GPAT4: variants seen among roughly 807,000 people sequenced by gnomAD.
GPAT4 encodes the protein glycerol-3-phosphate acyltransferase 4.
Under a neutral mutation model 58.0 loss-of-function variants are expected in GPAT4, and 17 were observed. The ratio of observed to expected loss-of-function variants is 0.29; its 90% CI spans 0.20 to 0.44. The LOEUF is 0.44. Among genes scored for constraint, GPAT4 ranks in the 20% least tolerant of loss-of-function variants. GPAT4 has a pLI of 1.00. For missense variants in GPAT4, 377 were observed against 574.5 expected, an observed-to-expected ratio of 0.66 and a Z score of 3.51; for synonymous variants, 204 against 210.1, an observed-to-expected ratio of 0.97 and a Z score of 0.25.
chr8:41,616,381 G>C (rs1281690333), intron 10 of GPAT4, among the ~76,000 whole-genome samples: 1 of 152,132 alleles, frequency 6.6e-6, no homozygotes. Flanking sequence ...ATGCAACCTT[G>C]ACCTCCCACA....
In GPAT4 at chr8:41,612,829, CTG is replaced by C; in HGVS notation, c.796-13_796-12del. 6.2e-7 allele frequency: 1 copy of C among 1,611,066 alleles called. No individual in the cohort carries two copies. Among genetic ancestry groups the C allele is most frequent in the Admixed American group, 1.7e-5 (1 of 59,852 alleles). ...AAGATGGCTTCACTACTAATGAGTC[CTG>C]TGCCTGCGCTTAGGTGGGTCAAGTG... On this transcript the variant is annotated splice_polypyrimidine_tract_variant and intron_variant, in intron 7 of 12. Transcript: ENST00000396987.
At chr8:41,588,487 C>G (rs1388639451) in intron 1 of GPAT4, among the ~76,000 whole-genome samples, 1 of 151,952 alleles carries the variant, frequency 6.6e-6, no homozygotes, top group Non-Finnish European at 1.5e-5. Flanking sequence ...TTCCTTTTCC[C>G]TTTCCTTTTC....
chr8:41,599,049 T>C lies in GPAT4; in HGVS notation c.-91T>C. ...TGCTGTTCTTCGGGAACTTGCTTCC[T>C]TTCCCTGGCTGGTGCTGTCAGGAAG... is the stretch of plus-strand genomic sequence containing the variant. On this transcript the variant is annotated 5_prime_UTR_variant, in exon 2 of 13. Coordinates refer to ENST00000396987, the MANE Select transcript of GPAT4 (RefSeq NM_178819.4). 6.7e-7 allele frequency: 1 copy of C among 1,501,248 alleles called. No individual in the cohort carries two copies. Among genetic ancestry groups the C allele is most frequent in the East Asian group, 2.3e-5 (1 of 43,610 alleles). The allele number at this position is 1,501,248 out of a possible 1,614,324, so 93.0% of individuals were successfully genotyped here. A position where few individuals can be genotyped will look rare whatever the true frequency, so the allele number is the denominator to read the frequency against.
At chr8:41,594,095 A>C (rs899361669) in intron 1 of GPAT4, among the ~76,000 whole-genome samples, 1 of 152,220 alleles carries the variant, frequency 6.6e-6, no homozygotes, top group African/African-American at 2.4e-5. Flanking sequence ...CCATAAGGTA[A>C]GATATTTATA....
chr8:41,580,160 T>C (rs1802474234), intron 1 of GPAT4, among the ~76,000 whole-genome samples: 1 of 152,248 alleles, frequency 6.6e-6, no homozygotes, highest in African/African-American at 2.4e-5. Flanking sequence ...TTAAATTATT[T>C]CTTAAAAATC....
chr8:41,599,959 A>T (rs886870378), intron 2 of GPAT4, among the ~76,000 whole-genome samples: 3 of 150,994 alleles, frequency 2.0e-5, no homozygotes, highest in African/African-American at 4.9e-5. Context: ...ATCTTTAGGG[A>T]TTCATGTATA....
intron 2 of GPAT4, among the ~76,000 whole-genome samples, chr8:41,603,896 A>AGAATGAATGAATGAATGAATGAATGAAT (rs56179166): frequency 6.6e-6 from 1 of 150,718 alleles, no homozygotes; most frequent in Non-Finnish European, 1.5e-5. Context: ...TCAGCTGCAC[A>AGAATGAATGAATGAATGAATGAATGAAT]GAATGAATGA....
intron 1 of GPAT4, among the ~76,000 whole-genome samples, chr8:41,588,898 T>TG (rs1271989442): frequency 6.6e-6 from 1 of 152,184 alleles, no homozygotes; most frequent in African/African-American, 2.4e-5. Context: ...GTTTGGCCTG[T>TG]GGGGGAACGT....
At chr8:41,586,869 C>T (rs1025339386) in intron 1 of GPAT4, among the ~76,000 whole-genome samples, 9 of 152,324 alleles carry the variant, frequency 5.9e-5, no homozygotes, top group Admixed American at 5.2e-4. Flanking sequence ...CAACTGGCTC[C>T]ACATCAGAAT....
chr8:41,579,530 A>C (rs960873481), intron 1 of GPAT4, among the ~76,000 whole-genome samples: 2 of 152,208 alleles, frequency 1.3e-5, no homozygotes, highest in Non-Finnish European at 2.9e-5. Flanking sequence ...TCTTAACATG[A>C]TAGAACAGGT....
At chr8:41,614,110 T>C (rs1438067306) in intron 8 of GPAT4, among the ~76,000 whole-genome samples, 2 of 152,170 alleles carry the variant, frequency 1.3e-5, no homozygotes, top group Non-Finnish European at 2.9e-5. Context: ...GGCAGGTGTC[T>C]CTTTCAGGTG....
chr8:41,585,614 A>G (rs1024433420), intron 1 of GPAT4, among the ~76,000 whole-genome samples: 2 of 152,222 alleles, frequency 1.3e-5, no homozygotes, highest in Non-Finnish European at 2.9e-5. Context: ...TTCAGTCTTG[A>G]CAACAATACC....
chr8:41,599,462 A>C (rs111370923), intron 2 of GPAT4, among the ~76,000 whole-genome samples, 158 bp downstream of exon 2: 1 of 152,336 alleles, frequency 6.6e-6, no homozygotes, highest in African/African-American at 2.4e-5. Context: ...CTAAACGTCT[A>C]CTTTTGAAAG....
chr8:41,611,719 C>T (rs1416332601), intron 5 of GPAT4, among the ~76,000 whole-genome samples, 184 bp from the exon 6 acceptor site: 2 of 152,172 alleles, frequency 1.3e-5, no homozygotes, highest in Admixed American at 6.5e-5. Flanking sequence ...GTCTCCCTGT[C>T]CCCTCTTTCT....
intron 1 of GPAT4, among the ~76,000 whole-genome samples, chr8:41,589,035 T>G (rs2150484088): frequency 6.6e-6 from 1 of 152,332 alleles, no homozygotes; most frequent in Non-Finnish European, 1.5e-5. Flanking sequence ...TTATATTTAC[T>G]TGAGGCAAAG....
rs1803467004 is a variant in GPAT4 at position 41,612,235 on chromosome 8, G to A, written c.757G>A (p.Asp253Asn). The change falls in exon 7 of 13, where the codon GAT becomes AAT. Residue 253 changes from aspartate (D) to asparagine (N), a missense_variant. By Grantham distance (23) the Asp-to-Asn change is conservative (BLOSUM62 1). Coordinates refer to ENST00000396987, the MANE Select transcript of GPAT4 (RefSeq NM_178819.4). ...ICVANHTSPI[D>N]VIILASDGYY... ...TGTGGCCAATCATACCTCACCGATC[G>A]ATGTGATCATCTTGGCCAGCGATGG... is the stretch of plus-strand genomic sequence containing the variant. 3 of 1,614,210 alleles carry A rather than the reference G, an allele frequency of 1.9e-6. No homozygotes were observed. The highest frequency in any genetic ancestry group is 2.5e-6 in the Non-Finnish European group (3 of 1,180,038).
At chr8:41,609,288 C>G (rs1803370585) in intron 2 of GPAT4, 128 bp from the exon 3 acceptor site, 1 of 970,816 alleles carries the variant, frequency 1.0e-6, no homozygotes, top group African/African-American at 1.6e-5. Flanking sequence ...TCCTTCTAGA[C>G]TATGTGCTTC....
chr8:41,603,785 C>T (rs1336684789), intron 2 of GPAT4, among the ~76,000 whole-genome samples: 3 of 152,090 alleles, frequency 2.0e-5, no homozygotes, highest in African/African-American at 4.8e-5. Flanking sequence ...GTAAGGAAGC[C>T]AACCAGGTGT....
intron 10 of GPAT4, 79 bp from the exon 11 acceptor site, chr8:41,618,605 C>G (rs1413339397): frequency 2.6e-6 from 4 of 1,555,278 alleles, no homozygotes; most frequent in Non-Finnish European, 3.5e-6. Context: ...CCAGTGGAGT[C>G]ACTCACAGCA....
Sources: gnomAD v4.1 joint callset for allele counts (sites outside exome capture counted in the v4.1 genomes callset) on GRCh38, gnomAD v4.1.1 for gene constraint, MANE v1.5 for transcripts, NCBI Gene and HGNC (gene_info 2026-07-23, HGNC 2026-07-21) for gene names.